The following SPRED2 variants were observed in gnomAD, a reference collection of about 807,000 sequenced individuals.
SPRED2 encodes sprouty related EVH1 domain containing 2, also known as sprouty-related, EVH1 domain-containing protein 2.
Under a neutral mutation model 43.0 loss-of-function variants are expected in SPRED2, and 47 were observed. The observed-to-expected ratio is 1.09, with a 90% CI of 0.87 to 1.40. The LOEUF (loss-of-function observed/expected upper bound fraction) is 1.40. SPRED2 is among the 40% of genes most tolerant of loss of function. The pLI, the probability that SPRED2 is intolerant of heterozygous loss-of-function variation, is 0.00. For synonymous variants in SPRED2, 225 were observed against 225.7 expected, an observed-to-expected ratio of 1.00 and a Z score of 0.03; for missense variants, 561 against 586.4, an observed-to-expected ratio of 0.96 and a Z score of 0.45.
intron 2 of SPRED2, among the ~76,000 whole-genome samples, chr2:65,338,848 G>A (rs989369268): frequency 6.6e-6 from 1 of 151,754 alleles, no homozygotes; most frequent in Non-Finnish European, 1.5e-5. Context: ...CACCTGGGAA[G>A]TGAGGAGCGC....
chr2:65,359,076 T>C (rs752395411), intron 1 of SPRED2, among the ~76,000 whole-genome samples: 3 of 152,240 alleles, frequency 2.0e-5, no homozygotes, highest in Non-Finnish European at 4.4e-5. Flanking sequence ...TAAGTGTTAC[T>C]GGGGAAATTC....
At chr2:65,425,195 A>G (rs1287651396) in intron 1 of SPRED2, among the ~76,000 whole-genome samples, 1 of 152,274 alleles carries the variant, frequency 6.6e-6, no homozygotes, top group Non-Finnish European at 1.5e-5. Context: ...TAAATGGACC[A>G]CAGGAAATAT....
chr2:65,393,255 C>T (rs1675678714), intron 1 of SPRED2, among the ~76,000 whole-genome samples: 1 of 152,126 alleles, frequency 6.6e-6, no homozygotes, highest in African/African-American at 2.4e-5. Context: ...CCAGCCTCTA[C>T]TCCCTTCCCC....
chr2:65,378,014 T>C (rs569795825), intron 1 of SPRED2: 1 of 237,486 alleles, frequency 4.2e-6, no homozygotes, highest in East Asian at 9.5e-5. Context: ...CTCTGTAACA[T>C]GTCAAGATCC....
intron 3 of SPRED2, among the ~76,000 whole-genome samples, chr2:65,333,732 T>C (rs1393213228): frequency 6.6e-6 from 1 of 152,246 alleles, no homozygotes; most frequent in Non-Finnish European, 1.5e-5. Context: ...ATTCATGTTC[T>C]AGCTAGTCTT....
At chr2:65,360,103 A>C (rs1279399079) in intron 1 of SPRED2, among the ~76,000 whole-genome samples, 54 of 137,614 alleles carry the variant, frequency 3.9e-4, no homozygotes, top group Non-Finnish European at 5.5e-4. Flanking sequence ...AAAAAAACAA[A>C]AAAAAAAAAA....
intron 4 of SPRED2, among the ~76,000 whole-genome samples, chr2:65,318,673 T>A (rs1025550969): frequency 6.6e-6 from 1 of 152,162 alleles, no homozygotes. Context: ...TTTTTAAATG[T>A]ATTTATTTAT....
At chr2:65,352,221 A>G (rs1394062986) in intron 1 of SPRED2, among the ~76,000 whole-genome samples, 1 of 152,254 alleles carries the variant, frequency 6.6e-6, no homozygotes. Flanking sequence ...TCTCTCAAAC[A>G]TGGATGAGCA....
rs563166951 is a variant in SPRED2 at position 65,352,200 on chromosome 2, C to CGAT, written c.27-7305_27-7304insATC. Among the ~76,000 whole-genome samples, 31 of 152,332 alleles carry CGAT rather than the reference C, an allele frequency of 2.0e-4. 2 individuals are homozygous for CGAT. The South Asian group carries it at 5.6e-3, about 27-fold the overall frequency. ...TGGCAGTAGCCAATTCTGGCAAAGG[C>CGAT]CATCAGCTCTTCTCTCAAACATGGA... On this transcript the variant is annotated intron_variant, in intron 1 of 5. Transcript: ENST00000356388.
At chr2:65,351,674 T>C (rs867462964) in intron 1 of SPRED2, among the ~76,000 whole-genome samples, 33 of 152,258 alleles carry the variant, frequency 2.2e-4, no homozygotes, top group African/African-American at 7.7e-4. Flanking sequence ...TCGAATTATA[T>C]GTTTAAAATA....
chr2:65,401,974 C>CACACACACACACACACACA (rs1572895534), intron 1 of SPRED2, among the ~76,000 whole-genome samples: 1 of 128,558 alleles, frequency 7.8e-6, no homozygotes, highest in Admixed American at 7.2e-5. Flanking sequence ...CACACACACA[C>CACACACACACACACACACA]CTGTTAATTT....
intron 1 of SPRED2, among the ~76,000 whole-genome samples, chr2:65,371,882 C>G (rs1675133308): frequency 6.6e-6 from 1 of 152,036 alleles, no homozygotes. Flanking sequence ...TTGAAATGAG[C>G]TTGGCTAACA....
chr2:65,327,844 C>T (rs887858753), intron 4 of SPRED2, among the ~76,000 whole-genome samples: 2 of 151,292 alleles, frequency 1.3e-5, no homozygotes, highest in African/African-American at 4.9e-5. Context: ...CTGCCTCAGC[C>T]TCCGGAGTAG....
chr2:65,399,600 C>T (rs1160273842), intron 1 of SPRED2, among the ~76,000 whole-genome samples: 1 of 152,018 alleles, frequency 6.6e-6, no homozygotes, highest in African/African-American at 2.4e-5. Context: ...CGAGGCTGGT[C>T]TCGAACTCCT....
intron 1 of SPRED2, among the ~76,000 whole-genome samples, chr2:65,428,533 A>G (rs943510893): frequency 6.6e-6 from 1 of 152,248 alleles, no homozygotes; most frequent in Non-Finnish European, 1.5e-5. Flanking sequence ...CAGTATTTTT[A>G]TCTCTTGAGA....
chr2:65,336,603 T>C (rs910849989), intron 2 of SPRED2, among the ~76,000 whole-genome samples: 1 of 152,198 alleles, frequency 6.6e-6, no homozygotes, highest in African/African-American at 2.4e-5. Context: ...CCCAGCCCCA[T>C]TCCACATTGG....
intron 1 of SPRED2, chr2:65,366,769 T>C (rs1674992276): frequency 7.3e-7 from 1 of 1,376,784 alleles, no homozygotes; most frequent in African/African-American, 1.5e-5. Context: ...TATACTGCAT[T>C]GTACCGGATG....
At chr2:65,371,648 A>T (rs1675127400) in intron 1 of SPRED2, among the ~76,000 whole-genome samples, 1 of 152,120 alleles carries the variant, frequency 6.6e-6, no homozygotes, top group South Asian at 2.1e-4. Context: ...ACGGGCTGGC[A>T]GAGGGGGTAA....
intron 1 of SPRED2, among the ~76,000 whole-genome samples, chr2:65,387,712 G>A (rs1675532931): frequency 6.6e-6 from 1 of 151,786 alleles, no homozygotes; most frequent in African/African-American, 2.4e-5. Context: ...TAAAAATGCC[G>A]ATTTACCATA....
Sources: gnomAD v4.1 joint callset for allele counts (sites outside exome capture counted in the v4.1 genomes callset) on GRCh38, gnomAD v4.1.1 for gene constraint, MANE v1.5 for transcripts, NCBI Gene and HGNC (gene_info 2026-07-23, HGNC 2026-07-21) for gene names.